Variants in SLC24A2 observed in about 807,000 individuals in gnomAD.
The protein encoded by SLC24A2 is sodium/potassium/calcium exchanger 2.
A neutral mutation model predicts 62.0 loss-of-function variants in SLC24A2; 36 were observed. The observed-to-expected ratio is 0.58, with a 90% CI of 0.44 to 0.77. The LOEUF (loss-of-function observed/expected upper bound fraction) is 0.77, where lower values mean the gene tolerates loss of function less well. Among genes scored for constraint, SLC24A2 ranks in the 30% least tolerant of loss-of-function variants. The pLI, the probability that SLC24A2 is intolerant of heterozygous loss-of-function variation, is 0.00. For missense variants in SLC24A2, 846 were observed against 817.9 expected, an observed-to-expected ratio of 1.03 and a Z score of -0.42; for synonymous variants, 358 against 294.0, an observed-to-expected ratio of 1.22 and a Z score of -2.23.
the SLC24A2 span, among the ~76,000 whole-genome samples, chr9:20,269,667 C>T: frequency 7.9e-5 from 12 of 152,270 alleles, no homozygotes; most frequent in East Asian, 5.8e-4. Context: ...CCTGCTCCCC[C>T]GACCCTCACC....
At chr9:19,692,035 A>G (rs1164206290) in intron 2 of SLC24A2, among the ~76,000 whole-genome samples, 1 of 152,174 alleles carries the variant, frequency 6.6e-6, no homozygotes, top group African/African-American at 2.4e-5. Context: ...TAAGTATATT[A>G]TTGTTACCTC....
chr9:20,175,683 A>C, the SLC24A2 span, among the ~76,000 whole-genome samples: 1 of 152,168 alleles, frequency 6.6e-6, no homozygotes, highest in South Asian at 2.1e-4. Flanking sequence ...AAATATTAAA[A>C]CCTTAGTATT....
chr9:19,995,330 T>C, the SLC24A2 span, among the ~76,000 whole-genome samples: 1 of 152,326 alleles, frequency 6.6e-6, no homozygotes, highest in African/African-American at 2.4e-5. Context: ...CAGTCTCTTT[T>C]ATAACACACA....
At chr9:20,104,764 A>G in the SLC24A2 span, among the ~76,000 whole-genome samples, 6 of 152,230 alleles carry the variant, frequency 3.9e-5, no homozygotes, top group Non-Finnish European at 5.9e-5. Context: ...TGTAAAGACC[A>G]TCAAGGCTAG....
chr9:19,845,078 G>A, the SLC24A2 span, among the ~76,000 whole-genome samples: 1 of 151,846 alleles, frequency 6.6e-6, no homozygotes, highest in Non-Finnish European at 1.5e-5. Context: ...GATAGGAATA[G>A]CATTGAATCT....
chr9:20,089,544 G>C, the SLC24A2 span, among the ~76,000 whole-genome samples: 1 of 151,888 alleles, frequency 6.6e-6, no homozygotes, highest in Admixed American at 6.6e-5. Context: ...TCTTCCCTGG[G>C]AACCCCCACT....
chr9:20,199,579 T>C, the SLC24A2 span, among the ~76,000 whole-genome samples: 2 of 152,146 alleles, frequency 1.3e-5, no homozygotes, highest in Non-Finnish European at 2.9e-5. Flanking sequence ...AGCAGGATTT[T>C]CAATATTTTT....
Position 19,777,316 on chromosome 9 carries a change from T to C in SLC24A2, c.930+8621A>G, listed in dbSNP as rs184121781. Among the ~76,000 whole-genome samples the C allele has an allele frequency of 1.6e-3, 240 of 152,322 alleles. No homozygotes were observed. In the Middle Eastern group the frequency reaches 0.017, roughly 11 times the overall value. On this transcript the variant is annotated intron_variant, in intron 2 of 10. Transcript: ENST00000341998. Reference sequence around the variant, plus strand: ...TAAAACAATTAATTAAAATGCTACGTTTCATCTATGAAATTGGAAAACATT... The same window carrying C: ...TAAAACAATTAATTAAAATGCTACGCTTCATCTATGAAATTGGAAAACATT...
the SLC24A2 span, among the ~76,000 whole-genome samples, chr9:20,208,671 A>G: frequency 6.6e-6 from 1 of 152,212 alleles, no homozygotes; most frequent in Admixed American, 6.5e-5. Flanking sequence ...CCCATAAATA[A>G]AGGAAAAAAT....
chr9:19,522,000 T>C (rs952844805), intron 9 of SLC24A2, among the ~76,000 whole-genome samples: 1 of 152,306 alleles, frequency 6.6e-6, no homozygotes, highest in Non-Finnish European at 1.5e-5. Flanking sequence ...CTTGGGACTT[T>C]TTAGAAAAAC....
At chr9:19,740,742 G>C (rs1012120480) in intron 2 of SLC24A2, among the ~76,000 whole-genome samples, 3 of 152,254 alleles carry the variant, frequency 2.0e-5, no homozygotes, top group South Asian at 2.1e-4. Flanking sequence ...GAGGAGGTAT[G>C]GGGGCTAAAG....
chr9:19,683,566 A>G (rs1819786473), intron 2 of SLC24A2, among the ~76,000 whole-genome samples: 1 of 151,312 alleles, frequency 6.6e-6, no homozygotes, highest in Non-Finnish European at 1.5e-5. Flanking sequence ...TCCAAGAAAC[A>G]TAAATTTATT....
chr9:19,911,838 C>G, the SLC24A2 span, among the ~76,000 whole-genome samples: 1 of 152,114 alleles, frequency 6.6e-6, no homozygotes, highest in Non-Finnish European at 1.5e-5. Context: ...TCTCAGCACA[C>G]TGGGTTCTCT....
At chr9:19,629,741 G>A (rs1818128876) in intron 2 of SLC24A2, among the ~76,000 whole-genome samples, 1 of 152,134 alleles carries the variant, frequency 6.6e-6, no homozygotes, top group African/African-American at 2.4e-5. Context: ...TTGGAAGTTC[G>A]GGTGGGCTCA....
the SLC24A2 span, among the ~76,000 whole-genome samples, chr9:19,947,875 C>T: frequency 2.7e-5 from 4 of 148,232 alleles, no homozygotes; most frequent in Non-Finnish European, 4.5e-5. Context: ...TTTCAATACA[C>T]TTTGTTGGAT....
At chr9:19,583,412 G>A (rs935770329) in intron 5 of SLC24A2, among the ~76,000 whole-genome samples, 7 of 152,108 alleles carry the variant, frequency 4.6e-5, no homozygotes, top group African/African-American at 1.2e-4. Flanking sequence ...AGTTATCACC[G>A]TCTAATATAC....
intron 7 of SLC24A2, among the ~76,000 whole-genome samples, chr9:19,564,566 C>G (rs1238032132): frequency 6.6e-6 from 1 of 152,068 alleles, no homozygotes; most frequent in East Asian, 1.9e-4. Context: ...CAATCAATCA[C>G]ATTCCTAGGA....
chr9:19,853,951 G>C, the SLC24A2 span, among the ~76,000 whole-genome samples: 1 of 152,062 alleles, frequency 6.6e-6, no homozygotes, highest in Non-Finnish European at 1.5e-5. Flanking sequence ...TTTTCTTGTT[G>C]GTAGGCTATG....
At chr9:20,110,404 C>T in the SLC24A2 span, among the ~76,000 whole-genome samples, 1 of 151,958 alleles carries the variant, frequency 6.6e-6, no homozygotes, top group Non-Finnish European at 1.5e-5. Flanking sequence ...ATAATCAAAT[C>T]AACGCCAAAA....
Sources: gnomAD v4.1 joint callset for allele counts (sites outside exome capture counted in the v4.1 genomes callset) on GRCh38, gnomAD v4.1.1 for gene constraint, MANE v1.5 for transcripts, NCBI Gene and HGNC (gene_info 2026-07-23, HGNC 2026-07-21) for gene names.